Variants in PLPPR5 observed in about 807,000 individuals in gnomAD.
The protein encoded by PLPPR5 is phospholipid phosphatase related 5.
PLPPR5 carries 16 observed loss-of-function variants against 33.9 expected under a neutral mutation model. The ratio of observed to expected loss-of-function variants is 0.47; its 90% confidence interval spans 0.32 to 0.72. The LOEUF is 0.72. PLPPR5 is among the 30% of genes least tolerant of loss of function. PLPPR5 has a pLI of 0.03. For missense variants in PLPPR5, 301 were observed against 406.7 expected (o/e 0.74, Z 2.23); for synonymous variants, 163 against 150.3 (o/e 1.08, Z -0.62).
chr1:98,914,979 C>T, intron 4 of PLPPR5, 59 bp from the exon 5 acceptor site: 2 of 1,528,868 alleles, frequency 1.3e-6, no homozygotes, highest in East Asian at 2.3e-5. Context: ...GACTTTCAGC[C>T]TTTTGAGGAG....
intron 1 of PLPPR5, among the ~76,000 whole-genome samples, chr1:98,979,275 G>T (rs1286685545): frequency 1.3e-5 from 2 of 151,974 alleles, no homozygotes; most frequent in African/African-American, 4.8e-5. Flanking sequence ...ACTTAACAAA[G>T]GTTTAAAAAT....
At chr1:98,955,230 A>G (rs1650959991) in intron 2 of PLPPR5, among the ~76,000 whole-genome samples, 1 of 152,138 alleles carries the variant, frequency 6.6e-6, no homozygotes, top group Admixed American at 6.5e-5. Context: ...TTCATATTTT[A>G]TAAAATCATA....
At chr1:98,900,623 C>A (rs1454555621) in intron 5 of PLPPR5, among the ~76,000 whole-genome samples, 1 of 152,076 alleles carries the variant, frequency 6.6e-6, no homozygotes, top group Non-Finnish European at 1.5e-5. Context: ...AATACTTTAA[C>A]CTATAAAATT....
At chr1:98,973,387 A>T (rs1651727761) in intron 1 of PLPPR5, among the ~76,000 whole-genome samples, 1 of 152,016 alleles carries the variant, frequency 6.6e-6, no homozygotes, top group South Asian at 2.1e-4. Context: ...AATTAGGGAC[A>T]GTAGGATGGG....
rs67392220 is a variant in PLPPR5 at position 98,920,456 on chromosome 1, CAA to C, written c.798+1424_798+1425del. 8.8e-3 allele frequency among the ~76,000 whole-genome samples: 828 copies of C among 94,110 alleles called. 7 individuals carry two copies. Among genetic ancestry groups the C allele is most frequent in the East Asian group, 0.046 (159 of 3,492 alleles). The allele number at this position is 94,110 out of a possible 152,430, so 61.7% of individuals were successfully genotyped here. A position where few individuals can be genotyped will look rare whatever the true frequency, so the allele number is the denominator to read the frequency against. On this transcript the variant is annotated intron_variant, in intron 4 of 5. Transcript: ENST00000263177. ...CAGTTTCAACTGTGGTGAGTCAATG[CAA>C]AAAAAAAAAAAAAAAAAGTTTTTGG... is the stretch of plus-strand genomic sequence containing the variant.
At chr1:98,935,401 G>T (rs1469162574) in intron 3 of PLPPR5, among the ~76,000 whole-genome samples, 2 of 152,208 alleles carry the variant, frequency 1.3e-5, no homozygotes, top group Non-Finnish European at 1.5e-5. Context: ...ACAAGTGGGA[G>T]AGGAGAGCAG....
intron 3 of PLPPR5, among the ~76,000 whole-genome samples, chr1:98,925,182 T>C (rs146736768): frequency 0.013 from 2,047 of 152,340 alleles, 18 homozygotes; most frequent in Middle Eastern, 0.017. Flanking sequence ...AGAACAGGAA[T>C]TGATTATTTA....
chr1:98,911,764 T>TA (rs1236074389), intron 5 of PLPPR5, among the ~76,000 whole-genome samples: 1 of 151,958 alleles, frequency 6.6e-6, no homozygotes, highest in Non-Finnish European at 1.5e-5. Flanking sequence ...TTTTTTTTTT[T>TA]AGAGATGGGG....
chr1:98,909,323 ATTCTT>A (rs1362675564), intron 5 of PLPPR5, among the ~76,000 whole-genome samples: 2 of 139,014 alleles, frequency 1.4e-5, no homozygotes, highest in Admixed American at 7.6e-5. Flanking sequence ...TCTGTTCTTT[ATTCTT>A]TTCTTTTCTT....
chr1:98,954,468 T>C (rs1167239491), intron 2 of PLPPR5, among the ~76,000 whole-genome samples: 2 of 152,156 alleles, frequency 1.3e-5, no homozygotes, highest in African/African-American at 2.4e-5. Flanking sequence ...TTCATCATTA[T>C]TGGCTGTTGT....
intron 1 of PLPPR5, among the ~76,000 whole-genome samples, chr1:98,999,974 C>A (rs1434116669): frequency 6.6e-6 from 1 of 152,170 alleles, no homozygotes; most frequent in Non-Finnish European, 1.5e-5. Flanking sequence ...GATCTAGCTT[C>A]ATTTCCTTTA....
chr1:98,980,800 T>C (rs189400272), intron 1 of PLPPR5, among the ~76,000 whole-genome samples: 1 of 152,150 alleles, frequency 6.6e-6, no homozygotes, highest in East Asian at 1.9e-4. Context: ...AAGCAAAACA[T>C]AGAAAGAGAA....
chr1:98,896,541 T>C (rs928278873), intron 5 of PLPPR5, among the ~76,000 whole-genome samples: 1 of 152,042 alleles, frequency 6.6e-6, no homozygotes, highest in Non-Finnish European at 1.5e-5. Context: ...AGGCTTACCA[T>C]GGAGATGACA....
At chr1:98,945,406 A>G (rs186194724) in intron 3 of PLPPR5, among the ~76,000 whole-genome samples, 38 of 152,322 alleles carry the variant, frequency 2.5e-4, no homozygotes, top group Non-Finnish European at 3.7e-4. Context: ...TCAACTAACA[A>G]GTTTCCTTCA....
intron 5 of PLPPR5, among the ~76,000 whole-genome samples, chr1:98,911,892 T>C (rs1033155410): frequency 6.6e-6 from 1 of 152,070 alleles, no homozygotes; most frequent in Non-Finnish European, 1.5e-5. Context: ...CCTGAGTCTC[T>C]AGTACTACAG....
intron 3 of PLPPR5, among the ~76,000 whole-genome samples, chr1:98,941,796 C>T (rs1650376497): frequency 6.6e-6 from 1 of 151,384 alleles, no homozygotes; most frequent in Non-Finnish European, 1.5e-5. Flanking sequence ...TCTTTGGAGA[C>T]TTTTGTTCTC....
chr1:98,910,167 AATGACAGCTT>A (rs1236652156), intron 5 of PLPPR5, among the ~76,000 whole-genome samples: 13 of 152,226 alleles, frequency 8.5e-5, no homozygotes, highest in African/African-American at 3.1e-4. Flanking sequence ...ACAACCAGAA[AATGACAGCTT>A]GGCATAATAA....
chr1:98,902,786 C>T (rs1648744850), intron 5 of PLPPR5, among the ~76,000 whole-genome samples: 1 of 152,054 alleles, frequency 6.6e-6, no homozygotes, highest in Non-Finnish European at 1.5e-5. Context: ...CTCTCCTTAA[C>T]TAATGACTGA....
intron 3 of PLPPR5, among the ~76,000 whole-genome samples, chr1:98,943,305 A>G (rs1650445318): frequency 6.6e-6 from 1 of 152,156 alleles, no homozygotes; most frequent in Non-Finnish European, 1.5e-5. Flanking sequence ...GGAGGTATAC[A>G]TTGTAATGAT....
Sources: gnomAD v4.1 joint callset for allele counts (sites outside exome capture counted in the v4.1 genomes callset) on GRCh38, gnomAD v4.1.1 for gene constraint, MANE v1.5 for transcripts, NCBI Gene and HGNC (gene_info 2026-07-23, HGNC 2026-07-21) for gene names.